MAGI3: variants seen among roughly 807,000 people sequenced by gnomAD.
MAGI3 encodes membrane associated guanylate kinase, WW and PDZ domain containing 3.
Under a neutral mutation model 121.8 loss-of-function variants are expected in MAGI3, and 43 were observed. The ratio of observed to expected loss-of-function variants is 0.35; its 90% CI spans 0.28 to 0.46. The LOEUF is 0.46. MAGI3 is among the 20% of genes least tolerant of loss of function. MAGI3 has a pLI of 1.00. For missense variants in MAGI3, 1,547 were observed against 1,797.3 expected (o/e 0.86, Z 2.52); for synonymous variants, 553 against 639.3 (o/e 0.86, Z 2.04).
chr1:113,479,978 T>A (rs1228132666), intron 1 of MAGI3, among the ~76,000 whole-genome samples: 4 of 152,328 alleles, frequency 2.6e-5, no homozygotes, highest in South Asian at 2.1e-4. Context: ...TGATTTTTTT[T>A]ATTTTGTTCA....
At chr1:113,602,605 A>T (rs1249609680) in intron 6 of MAGI3, among the ~76,000 whole-genome samples, 2 of 152,204 alleles carry the variant, frequency 1.3e-5, no homozygotes, top group Non-Finnish European at 2.9e-5. Flanking sequence ...AAATAACAGA[A>T]GATCGGAGCA....
rs200960802 is a variant in MAGI3 at position 113,470,535 on chromosome 1, T to TA, written c.317-78971dup. Among the ~76,000 whole-genome samples the TA allele has an allele frequency of 4.9e-4, 74 of 151,666 alleles. No homozygotes were observed. The East Asian group carries it at 0.011, about 23-fold the overall frequency. On this transcript the variant is annotated intron_variant, in intron 1 of 20. Coordinates refer to ENST00000307546, the MANE Select transcript of MAGI3 (RefSeq NM_001142782.2). ...CCATCACCTCACATGGTAACTATAT[T>TA]AAAAAAAAATTGAGAACATTTAAGA... is the stretch of plus-strand genomic sequence containing the variant.
chr1:113,513,314 G>A lies in MAGI3; in HGVS notation c.317-36201G>A, dbSNP rs149247875. Among the ~76,000 whole-genome samples, 204 of 152,194 alleles carry A rather than the reference G, an allele frequency of 1.3e-3. 6 individuals are homozygous for A. The East Asian group carries it at 0.032, about 24-fold the overall frequency. ...ATGGAATCAAAAAAAAGACCACGTC[G>A]CCAAGTCAATCCTAAGCCAAAAGAA... On this transcript the variant is annotated intron_variant, in intron 1 of 20. Transcript: ENST00000307546.
intron 16 of MAGI3, among the ~76,000 whole-genome samples, chr1:113,663,298 T>A (rs542007822): frequency 4.2e-4 from 63 of 150,570 alleles, no homozygotes; most frequent in Non-Finnish European, 7.2e-4. Context: ...GGTTTTGCAA[T>A]CATTACCACT....
intron 16 of MAGI3, among the ~76,000 whole-genome samples, chr1:113,669,822 G>A (rs997984636): frequency 7.9e-5 from 12 of 152,008 alleles, no homozygotes; most frequent in East Asian, 1.9e-4. Context: ...GAGCCACCGC[G>A]CCCAGCCCAC....
At chr1:113,442,013 T>G (rs1046053818) in intron 1 of MAGI3, among the ~76,000 whole-genome samples, 4 of 152,216 alleles carry the variant, frequency 2.6e-5, no homozygotes, top group African/African-American at 7.2e-5. Flanking sequence ...TTGTTTACTT[T>G]TGTATTTTAA....
chr1:113,438,527 C>T (rs1306951643), intron 1 of MAGI3, among the ~76,000 whole-genome samples: 1 of 152,056 alleles, frequency 6.6e-6, no homozygotes, highest in African/African-American at 2.4e-5. Flanking sequence ...AGGAAAGAGG[C>T]TTTATTTGGT....
intron 1 of MAGI3, among the ~76,000 whole-genome samples, chr1:113,545,629 T>C (rs1659501556): frequency 6.6e-6 from 1 of 152,218 alleles, no homozygotes; most frequent in African/African-American, 2.4e-5. Context: ...TTAACGAGTT[T>C]TTTTAAGGAT....
rs530734100 is a variant in MAGI3, at chr1:113,560,951, GA to G, written c.433+11323del. 1.5e-4 allele frequency among the ~76,000 whole-genome samples: 23 copies of G among 152,254 alleles called. 1 individual carries two copies. The highest frequency in any genetic ancestry group is 5.3e-4 in the African/African-American group (22 of 41,558). On this transcript the variant is annotated intron_variant, in intron 2 of 20. Coordinates refer to ENST00000307546, the MANE Select transcript of MAGI3 (RefSeq NM_001142782.2). ...GGGGAATACCACCACTGACCCCACA[GA>G]AATACAAACAACCATCAGAAAATAC...
At chr1:113,610,797 G>C (rs1650080487) in intron 6 of MAGI3, among the ~76,000 whole-genome samples, 1 of 152,230 alleles carries the variant, frequency 6.6e-6, no homozygotes. Context: ...AGCTGGGCAT[G>C]GTGGCACGCA....
At chr1:113,405,474 CAAAAAA>C (rs5777158) in intron 1 of MAGI3, among the ~76,000 whole-genome samples, 7 of 54,352 alleles carry the variant, frequency 1.3e-4, no homozygotes, top group East Asian at 1.1e-3. Context: ...GAAACTGTCT[CAAAAAA>C]AAAAAAAAAA....
intron 1 of MAGI3, among the ~76,000 whole-genome samples, chr1:113,431,223 C>G (rs1028438412): frequency 6.6e-6 from 1 of 152,298 alleles, no homozygotes; most frequent in South Asian, 2.1e-4. Flanking sequence ...GAGACTGAAG[C>G]TGGATCATTG....
At chr1:113,450,735 A>C in intron 1 of MAGI3, 1 of 1,082,370 alleles carries the variant, frequency 9.2e-7, no homozygotes, top group Non-Finnish European at 1.4e-6. Flanking sequence ...AGGTTCGAAA[A>C]ACAGCAGAAA....
At chr1:113,413,045 A>G (rs1209703843) in intron 1 of MAGI3, among the ~76,000 whole-genome samples, 1 of 152,056 alleles carries the variant, frequency 6.6e-6, no homozygotes, top group African/African-American at 2.4e-5. Context: ...ATCTTGAATT[A>G]ATTTTTGTAT....
At chr1:113,660,360 C>T (rs964303137) in intron 16 of MAGI3, among the ~76,000 whole-genome samples, 4 of 152,094 alleles carry the variant, frequency 2.6e-5, no homozygotes, top group African/African-American at 7.2e-5. Flanking sequence ...CTTCCCCACT[C>T]TCTGCCCAGA....
intron 18 of MAGI3, among the ~76,000 whole-genome samples, chr1:113,673,004 T>C (rs1341198565): frequency 6.6e-6 from 1 of 152,174 alleles, no homozygotes; most frequent in Non-Finnish European, 1.5e-5. Context: ...CAAATTCAGG[T>C]TTTTTTGTTT....
At chr1:113,638,913 T>C (rs1287931940) in intron 9 of MAGI3, among the ~76,000 whole-genome samples, 1 of 152,240 alleles carries the variant, frequency 6.6e-6, no homozygotes, top group Non-Finnish European at 1.5e-5. Flanking sequence ...GCTGCTTTGT[T>C]TACCTAAGCA....
intron 19 of MAGI3, among the ~76,000 whole-genome samples, chr1:113,676,327 A>G (rs1438438709): frequency 6.6e-6 from 1 of 152,076 alleles, no homozygotes; most frequent in African/African-American, 2.4e-5. Context: ...GCTACTTGGG[A>G]GGCTGAGGTG....
chr1:113,605,812 C>T (rs911121430), intron 6 of MAGI3, among the ~76,000 whole-genome samples: 1 of 152,016 alleles, frequency 6.6e-6, no homozygotes, highest in Non-Finnish European at 1.5e-5. Context: ...ATTGGCGAGG[C>T]TGGTCTCGAA....
Sources: gnomAD v4.1 joint callset for allele counts (sites outside exome capture counted in the v4.1 genomes callset) on GRCh38, gnomAD v4.1.1 for gene constraint, MANE v1.5 for transcripts, NCBI Gene and HGNC (gene_info 2026-07-23, HGNC 2026-07-21) for gene names.